Variants in GRIK1 observed in about 807,000 individuals in gnomAD.
GRIK1 encodes glutamate receptor ionotropic, kainate 1.
In GRIK1, 69 loss-of-function variants were observed where a neutral mutation model predicts 105.7. The ratio of observed to expected loss-of-function variants is 0.65; its 90% CI spans 0.54 to 0.80. The LOEUF (loss-of-function observed/expected upper bound fraction) is 0.80, where lower values mean the gene tolerates loss of function less well. Ranked by LOEUF, GRIK1 falls within the 30% of genes least tolerant of loss-of-function variation. GRIK1 has a pLI of 0.00. For synonymous variants in GRIK1, 438 were observed against 431.3 expected (o/e 1.02, Z -0.19); for missense variants, 1,109 against 1,167.3 (o/e 0.95, Z 0.73).
chr21:29,718,371 A>G (rs1490436148), intron 1 of GRIK1, among the ~76,000 whole-genome samples: 2 of 152,154 alleles, frequency 1.3e-5, no homozygotes, highest in African/African-American at 4.8e-5. Context: ...TTATCCACTT[A>G]CCAAAAAAAA....
intron 16 of GRIK1, chr21:29,553,525 G>A (rs776626358): frequency 6.6e-7 from 1 of 1,506,330 alleles, no homozygotes; most frequent in Non-Finnish European, 8.8e-7. Flanking sequence ...TTTTCTACTG[G>A]GCACATCTTT....
intron 4 of GRIK1, among the ~76,000 whole-genome samples, chr21:29,671,067 G>A (rs1467499634): frequency 6.6e-6 from 1 of 152,114 alleles, no homozygotes; most frequent in East Asian, 1.9e-4. Context: ...AATTAGATAT[G>A]GTGATGTCTG....
At chr21:29,657,122 C>G (rs1042688584) in intron 4 of GRIK1, among the ~76,000 whole-genome samples, 11 of 152,134 alleles carry the variant, frequency 7.2e-5, no homozygotes, top group Admixed American at 3.9e-4. Flanking sequence ...TCACTTTGGT[C>G]ATTAGATAGT....
At chr21:29,870,520 A>T (rs2068971295) in intron 1 of GRIK1, among the ~76,000 whole-genome samples, 1 of 151,356 alleles carries the variant, frequency 6.6e-6, no homozygotes, top group Non-Finnish European at 1.5e-5. Flanking sequence ...ATTATAAATA[A>T]TACATATAAC....
intron 15 of GRIK1, 120 bp from the exon 16 acceptor site, chr21:29,555,422 A>G: frequency 1.1e-6 from 1 of 884,056 alleles, no homozygotes; most frequent in East Asian, 2.4e-5. Flanking sequence ...CCAATCCACA[A>G]ATTGACTTGC....
chr21:29,768,072 G>T (rs1046665218), intron 1 of GRIK1, among the ~76,000 whole-genome samples: 1 of 152,182 alleles, frequency 6.6e-6, no homozygotes, highest in Non-Finnish European at 1.5e-5. Context: ...GGAGCAAAAA[G>T]TGCTTTCCCT....
intron 1 of GRIK1, among the ~76,000 whole-genome samples, chr21:29,728,015 C>T (rs1462343153): frequency 6.6e-6 from 1 of 152,182 alleles, no homozygotes; most frequent in African/African-American, 2.4e-5. Flanking sequence ...TTTAGGCCCT[C>T]AATGGGTGAG....
intron 6 of GRIK1, among the ~76,000 whole-genome samples, chr21:29,648,870 T>C (rs2062670044): frequency 6.6e-6 from 1 of 152,132 alleles, no homozygotes; most frequent in African/African-American, 2.4e-5. Flanking sequence ...AAGTGCTTGA[T>C]GTGCAAGAAT....
Position 29,863,867 on chromosome 21 carries a change from G to C in GRIK1, c.118+75516C>G, listed in dbSNP as rs2068723177. ...CATTCTTCCCCTTCAGTCACCTACAGAATTACATACTTCTTCTCAATAAGG... is the reference window on the plus strand; with the variant it reads ...CATTCTTCCCCTTCAGTCACCTACACAATTACATACTTCTTCTCAATAAGG... On this transcript the variant is annotated intron_variant, in intron 1 of 17. Coordinates refer to ENST00000327783, the MANE Select transcript of GRIK1 (RefSeq NM_001330994.2). 2.6e-5 allele frequency among the ~76,000 whole-genome samples: 4 copies of C among 152,090 alleles called. No homozygotes were observed. The South Asian group carries it at 8.3e-4, about 32-fold the overall frequency.
chr21:29,920,513 G>T (rs919007517), intron 1 of GRIK1, among the ~76,000 whole-genome samples: 1 of 151,876 alleles, frequency 6.6e-6, no homozygotes, highest in Non-Finnish European at 1.5e-5. Flanking sequence ...TAACCTTGTC[G>T]GTTTTTCCCA....
intron 1 of GRIK1, among the ~76,000 whole-genome samples, chr21:29,852,156 T>A (rs555554125): frequency 7.9e-5 from 12 of 152,320 alleles, no homozygotes; most frequent in African/African-American, 2.9e-4. Flanking sequence ...TCTTGAAGGA[T>A]TTTCCTTAAT....
chr21:29,648,001 T>C (rs1357842793), intron 6 of GRIK1, among the ~76,000 whole-genome samples: 1 of 152,232 alleles, frequency 6.6e-6, no homozygotes, highest in Non-Finnish European at 1.5e-5. Flanking sequence ...TTTTTGGATA[T>C]AGGCATGACT....
At chr21:29,766,345 A>G (rs973733123) in intron 1 of GRIK1, among the ~76,000 whole-genome samples, 1 of 152,178 alleles carries the variant, frequency 6.6e-6, no homozygotes, top group African/African-American at 2.4e-5. Context: ...ACGATTGAGT[A>G]GGTGCTACTG....
At chr21:29,566,751 C>G (rs1446841516) in intron 14 of GRIK1, among the ~76,000 whole-genome samples, 1 of 152,110 alleles carries the variant, frequency 6.6e-6, no homozygotes, top group Non-Finnish European at 1.5e-5. Flanking sequence ...TCACGGTAAT[C>G]ATATGAAAGA....
chr21:29,677,254 C>G (rs1305948277), intron 3 of GRIK1, among the ~76,000 whole-genome samples: 3 of 152,270 alleles, frequency 2.0e-5, no homozygotes, highest in African/African-American at 7.2e-5. Context: ...CAACTTTTCT[C>G]TAAGTTCAAA....
At chr21:29,744,991 G>A (rs1442408777) in intron 1 of GRIK1, among the ~76,000 whole-genome samples, 1 of 152,278 alleles carries the variant, frequency 6.6e-6, no homozygotes, top group East Asian at 1.9e-4. Context: ...ACAGTCTTGT[G>A]TAGTCCCCTT....
chr21:29,553,474 T>C, intron 16 of GRIK1: 2 of 1,463,246 alleles, frequency 1.4e-6, no homozygotes, highest in Non-Finnish European at 9.0e-7. Context: ...CTATTTATGC[T>C]TAGCAAATAC....
At chr21:29,597,888 C>A (rs363463) in intron 8 of GRIK1, among the ~76,000 whole-genome samples, 1 of 151,934 alleles carries the variant, frequency 6.6e-6, no homozygotes, top group South Asian at 2.1e-4. Flanking sequence ...AGCAAGAAAA[C>A]GGAAATGAAA....
intron 1 of GRIK1, among the ~76,000 whole-genome samples, chr21:29,801,596 A>G (rs1182768665): frequency 6.6e-6 from 1 of 152,158 alleles, no homozygotes; most frequent in African/African-American, 2.4e-5. Flanking sequence ...AAGATTCAGC[A>G]TGTTTTACAA....
Sources: allele counts gnomAD v4.1 joint callset (sites outside exome capture counted in the v4.1 genomes callset), GRCh38; gene constraint gnomAD v4.1.1; transcripts MANE v1.5; gene names NCBI Gene and HGNC (gene_info 2026-07-23, HGNC 2026-07-21).